The following ELAVL2 variants were observed in gnomAD, a reference collection of about 807,000 sequenced individuals.
The protein encoded by ELAVL2 is ELAV-like protein 2.
Under a neutral mutation model 34.6 loss-of-function variants are expected in ELAVL2, and 4 were observed. That is an observed-to-expected ratio of 0.12 (90% CI 0.06 to 0.26). ELAVL2 has a LOEUF of 0.26. Among genes scored for constraint, ELAVL2 ranks in the 10% least tolerant of loss-of-function variants. ELAVL2 has a pLI of 1.00. For missense variants in ELAVL2, 432 were observed against 442.8 expected (o/e 0.98, Z 0.22); for synonymous variants, 193 against 154.8 (o/e 1.25, Z -1.83).
Position 23,700,297 on chromosome 9 carries a change from T to C in ELAVL2, c.713+1082A>G, listed in dbSNP as rs530425685. Among the ~76,000 whole-genome samples the C allele has an allele frequency of 5.3e-5, 8 of 152,338 alleles. No homozygotes were observed. In the East Asian group the frequency reaches 1.5e-3, roughly 29 times the overall value. ...TGGCCAAAAAGGATATTTAAAAATG[T>C]CCTGGAAAATAAAAACTGCATGACT... On this transcript the variant is annotated intron_variant, in intron 5 of 6. Transcript: ENST00000397312.
chr9:23,769,747 G>A (rs886895322), intron 1 of ELAVL2, among the ~76,000 whole-genome samples: 1 of 152,180 alleles, frequency 6.6e-6, no homozygotes, highest in Admixed American at 6.5e-5. Flanking sequence ...CTGAACAGCT[G>A]CACGCGTCAT....
chr9:23,724,814 C>G (rs936981096), intron 3 of ELAVL2, among the ~76,000 whole-genome samples: 1 of 152,024 alleles, frequency 6.6e-6, no homozygotes, highest in African/African-American at 2.4e-5. Flanking sequence ...TTTTAAAAGG[C>G]AGAGGAACAA....
the ELAVL2 span, among the ~76,000 whole-genome samples, chr9:23,834,189 CA>C: frequency 6.6e-6 from 1 of 151,952 alleles, no homozygotes; most frequent in Non-Finnish European, 1.5e-5. Flanking sequence ...TTGCATAATA[CA>C]TATTCACAAT....
At chr9:23,707,536 G>A (rs1177659867) in intron 3 of ELAVL2, among the ~76,000 whole-genome samples, 1 of 152,156 alleles carries the variant, frequency 6.6e-6, no homozygotes, top group Admixed American at 6.5e-5. Flanking sequence ...TCCAATGACT[G>A]ATCAAGCAAC....
intron 1 of ELAVL2, among the ~76,000 whole-genome samples, chr9:23,785,330 C>T (rs1250018999): frequency 6.6e-6 from 1 of 152,124 alleles, no homozygotes; most frequent in Non-Finnish European, 1.5e-5. Flanking sequence ...CAAGTTCACA[C>T]AATTCAATGT....
chr9:23,716,515 T>A (rs950907174), intron 3 of ELAVL2, among the ~76,000 whole-genome samples: 1 of 152,194 alleles, frequency 6.6e-6, no homozygotes, highest in East Asian at 1.9e-4. Context: ...ATCTCAACTT[T>A]TAATTTCACT....
intron 3 of ELAVL2, among the ~76,000 whole-genome samples, chr9:23,719,637 A>G (rs2043158803): frequency 2.0e-5 from 3 of 152,156 alleles, no homozygotes; most frequent in Admixed American, 2.0e-4. Flanking sequence ...TGCATATAGC[A>G]AAAAATTTTT....
At chr9:23,714,430 A>T (rs1390299798) in intron 3 of ELAVL2, among the ~76,000 whole-genome samples, 3 of 152,222 alleles carry the variant, frequency 2.0e-5, no homozygotes, top group Non-Finnish European at 4.4e-5. Context: ...ATGACAGCAG[A>T]TGAGTGTGCT....
At chr9:23,816,605 T>C (rs2063756457) in intron 1 of ELAVL2, among the ~76,000 whole-genome samples, 3 of 151,320 alleles carry the variant, frequency 2.0e-5, no homozygotes, top group South Asian at 2.1e-4. Context: ...GGTTCAAACT[T>C]ACGATTTTTC....
chr9:23,730,848 A>T (rs542768779), intron 3 of ELAVL2, among the ~76,000 whole-genome samples, 174 bp downstream of exon 3: 1 of 152,128 alleles, frequency 6.6e-6, no homozygotes, highest in African/African-American at 2.4e-5. Flanking sequence ...GATTATACAT[A>T]GCACTCTTGA....
intron 2 of ELAVL2, among the ~76,000 whole-genome samples, chr9:23,761,110 A>G (rs556085842): frequency 6.6e-6 from 1 of 152,216 alleles, no homozygotes; most frequent in East Asian, 1.9e-4. Flanking sequence ...GCCTTTAAGT[A>G]TCTTTTACTC....
intron 1 of ELAVL2, among the ~76,000 whole-genome samples, chr9:23,776,357 C>A (rs1261427696): frequency 1.3e-5 from 2 of 152,150 alleles, no homozygotes; most frequent in African/African-American, 4.8e-5. Context: ...CAGGTGTGTT[C>A]CATTGTCACC....
At chr9:23,822,763 T>A (rs965341092) in intron 1 of ELAVL2, among the ~76,000 whole-genome samples, 2 of 152,234 alleles carry the variant, frequency 1.3e-5, no homozygotes, top group Admixed American at 1.3e-4. Context: ...CTGTCATACC[T>A]ACCTGAAATT....
chr9:23,723,955 A>G (rs1292780567), intron 3 of ELAVL2, among the ~76,000 whole-genome samples: 1 of 152,110 alleles, frequency 6.6e-6, no homozygotes, highest in Admixed American at 6.6e-5. Flanking sequence ...CCCCTACCTT[A>G]CACAGAAGCA....
chr9:23,733,688 G>A (rs901220947), intron 2 of ELAVL2, among the ~76,000 whole-genome samples: 1 of 152,166 alleles, frequency 6.6e-6, no homozygotes, highest in Admixed American at 6.5e-5. Context: ...TGAAAAGCCT[G>A]TCTTGCTTAC....
chr9:23,838,440 A>G, the ELAVL2 span, among the ~76,000 whole-genome samples: 1 of 152,150 alleles, frequency 6.6e-6, no homozygotes, highest in African/African-American at 2.4e-5. Context: ...ATACCCCTTG[A>G]GCTTTTCAGT....
chr9:23,710,833 G>A (rs1258405502), intron 3 of ELAVL2, among the ~76,000 whole-genome samples: 3 of 152,132 alleles, frequency 2.0e-5, no homozygotes, highest in South Asian at 4.1e-4. Flanking sequence ...AAGGTCTTGT[G>A]ACAGCATCAT....
At chr9:23,739,958 G>C (rs1239501602) in intron 2 of ELAVL2, among the ~76,000 whole-genome samples, 2 of 152,038 alleles carry the variant, frequency 1.3e-5, no homozygotes, top group East Asian at 3.9e-4. Flanking sequence ...AACCACCATG[G>C]AGAGCTCCCC....
intron 1 of ELAVL2, among the ~76,000 whole-genome samples, chr9:23,797,623 C>T (rs1333833135): frequency 2.6e-5 from 4 of 152,158 alleles, no homozygotes; most frequent in Non-Finnish European, 2.9e-5. Flanking sequence ...TAATGATATA[C>T]TTGAGTGAAT....
Sources: gnomAD v4.1 joint callset for allele counts (sites outside exome capture counted in the v4.1 genomes callset) on GRCh38, gnomAD v4.1.1 for gene constraint, MANE v1.5 for transcripts, NCBI Gene and HGNC (gene_info 2026-07-23, HGNC 2026-07-21) for gene names.